The following AFAP1 variants were observed in gnomAD, a reference collection of about 807,000 sequenced individuals.
AFAP1 encodes the protein actin filament associated protein 1, also known as actin filament-associated protein 1.
A neutral mutation model predicts 93.9 loss-of-function variants in AFAP1; 75 were observed. The ratio of observed to expected loss-of-function variants is 0.80; its 90% CI spans 0.66 to 0.97. The LOEUF is 0.97. Ranked by LOEUF, AFAP1 falls within the 50% of genes least tolerant of loss-of-function variation. The pLI is 0.00. For synonymous variants in AFAP1, 517 were observed against 430.7 expected, an observed-to-expected ratio of 1.20 and a Z score of -2.48; for missense variants, 1,201 against 1,050.8, an observed-to-expected ratio of 1.14 and a Z score of -1.98.
Position 7,781,511 on chromosome 4 carries a change from G to A in AFAP1, c.1647C>T (p.Tyr549=). The change falls in exon 13 of 18, where the codon TAC becomes TAT. Residue 549 remains tyrosine (Y), a synonymous_variant. Transcript: ENST00000420658. ...NLPPPHIFAR[Y]SPADRKASRL... The stretch of plus-strand genomic sequence containing the variant: ...TAGAGGCCTTTCTGTCAGCAGGAGA[G>A]TAGCGGGCAAAGATGTGCGGAGGCG... 6.4e-7 allele frequency: 1 copy of A among 1,552,280 alleles called. No homozygotes were observed. Among genetic ancestry groups the A allele is most frequent in the Non-Finnish European group, 8.7e-7 (1 of 1,147,138 alleles).
intron 8 of AFAP1, among the ~76,000 whole-genome samples, chr4:7,812,560 G>A (rs1720140362): frequency 1.3e-5 from 2 of 152,020 alleles, no homozygotes; most frequent in East Asian, 3.8e-4. Flanking sequence ...AGGCAGAGAT[G>A]AGCACAGATC....
intron 6 of AFAP1, among the ~76,000 whole-genome samples, chr4:7,837,793 C>A (rs1015633349): frequency 1.3e-5 from 2 of 152,056 alleles, no homozygotes; most frequent in Non-Finnish European, 2.9e-5. Context: ...CCAAGGTGGG[C>A]GGATCACTTG....
At chr4:7,831,663 T>C (rs903703374) in intron 6 of AFAP1, among the ~76,000 whole-genome samples, 2 of 152,176 alleles carry the variant, frequency 1.3e-5, no homozygotes, top group Non-Finnish European at 2.9e-5. Context: ...GGGGCTGCTC[T>C]TCAGTGTGCA....
rs1715937882 is a variant in AFAP1 at position 7,774,884 on chromosome 4, A to G, written c.1917T>C (p.Tyr639=). The change falls in exon 15 of 18, where the codon TAT becomes TAC. Residue 639 remains tyrosine (Y), a synonymous_variant. Transcript: ENST00000420658. ...CATCTGCTTCTACCCGGTTCTTGCCATACTTGTACTGGGCAGCATCTTGAG... is the reference window on the plus strand; with the variant it reads ...CATCTGCTTCTACCCGGTTCTTGCCGTACTTGTACTGGGCAGCATCTTGAG... ...RTGSNAAQYK[Y]GKNRVEADAK... 8 of 1,613,884 alleles carry G rather than the reference A, an allele frequency of 5.0e-6. No homozygotes were observed. The highest frequency in any genetic ancestry group is 6.8e-6 in the Non-Finnish European group (8 of 1,180,006).
In AFAP1 at chr4:7,938,420, A is replaced by G. The variant is rs560285632; in HGVS notation, c.-3+1236T>C. On this transcript the variant is annotated intron_variant, in intron 1 of 17. Coordinates refer to ENST00000420658, the MANE Select transcript of AFAP1 (RefSeq NM_001134647.2). The stretch of plus-strand genomic sequence containing the variant: ...CCAGTTCGATTTTGCTTCCTGGGAC[A>G]TAACAGGTTTTTCAAAAGTTTGATG... Among the ~76,000 whole-genome samples, 3 of 152,308 alleles carry G rather than the reference A, an allele frequency of 2.0e-5. No individual in the cohort carries two copies. The East Asian group carries it at 5.8e-4, about 29-fold the overall frequency.
intron 1 of AFAP1, among the ~76,000 whole-genome samples, chr4:7,923,826 T>C (rs1577363002): frequency 6.6e-6 from 1 of 152,130 alleles, no homozygotes; most frequent in East Asian, 1.9e-4. Context: ...CATGACCTCA[T>C]CTAACCCTAA....
chr4:7,916,995 A>T (rs992748283), intron 1 of AFAP1, among the ~76,000 whole-genome samples: 3 of 151,956 alleles, frequency 2.0e-5, no homozygotes, highest in African/African-American at 7.3e-5. Context: ...AACTGTTTTA[A>T]AAGTGTTCTC....
intron 9 of AFAP1, among the ~76,000 whole-genome samples, chr4:7,802,533 GA>G (rs1436766474): frequency 6.6e-6 from 1 of 152,158 alleles, no homozygotes; most frequent in Non-Finnish European, 1.5e-5. Context: ...GGGAGTTAAA[GA>G]CGGCAGATAA....
chr4:7,860,751 C>T (rs1715581195), intron 3 of AFAP1, among the ~76,000 whole-genome samples: 1 of 152,168 alleles, frequency 6.6e-6, no homozygotes, highest in Admixed American at 6.5e-5. Flanking sequence ...GCTGAGCGGA[C>T]AAGATGTAAG....
rs768975679 is a variant in AFAP1 at position 7,872,248 on chromosome 4, G to A, written c.-2-168C>T. ...AGCAGGTCCACTAAAAGATTCAGGCGTCTTCTTCTTAACAAATGCACTACT... is the reference window on the plus strand; with the variant it reads ...AGCAGGTCCACTAAAAGATTCAGGCATCTTCTTCTTAACAAATGCACTACT... On this transcript the variant is annotated intron_variant, in intron 1 of 17. Coordinates refer to ENST00000420658, the MANE Select transcript of AFAP1 (RefSeq NM_001134647.2). 6.9e-5 allele frequency: 52 copies of A among 756,604 alleles called. 1 individual carries two copies. The highest frequency in any genetic ancestry group is 2.5e-4 in the South Asian group (11 of 44,726). The allele number at this position is 756,604 out of a possible 1,614,324, so 46.9% of individuals were successfully genotyped here.
At chr4:7,869,117 G>C (rs576024776) in intron 2 of AFAP1, among the ~76,000 whole-genome samples, 5 of 147,324 alleles carry the variant, frequency 3.4e-5, no homozygotes, top group Non-Finnish European at 6.0e-5. Flanking sequence ...AAGGGAAACG[G>C]AAAGAAAAGA....
At chr4:7,910,277 G>A (rs1719654023) in intron 1 of AFAP1, among the ~76,000 whole-genome samples, 1 of 152,038 alleles carries the variant, frequency 6.6e-6, no homozygotes, top group Admixed American at 6.6e-5. Context: ...GAGCCTGCTG[G>A]GAGTCAAAAG....
At position 7,768,963 on chromosome 4, in the gene AFAP1, T is replaced by C; in HGVS notation, c.2299A>G (p.Ser767Gly). 6.2e-7 allele frequency: 1 copy of C among 1,613,648 alleles called. No homozygotes were observed. Among genetic ancestry groups the C allele is most frequent in the Non-Finnish European group, 8.5e-7 (1 of 1,179,702 alleles). ...HRTLENSPIS[S>G]CDTSDTEGPV... The stretch of plus-strand genomic sequence containing the variant: ...CCCTCGGTGTCACTGGTGTCACAGC[T>C]GGAGATGGGCGAGTTTTCCAGGGTC... The change falls in exon 17 of 18, where the codon AGC becomes GGC. Residue 767 changes from serine (S) to glycine (G), a missense_variant. By Grantham distance (56) the Ser-to-Gly change is moderately conservative. Transcript: ENST00000420658.
At chr4:7,845,309 C>G (rs1188777105) in intron 4 of AFAP1, among the ~76,000 whole-genome samples, 1 of 152,048 alleles carries the variant, frequency 6.6e-6, no homozygotes, top group Non-Finnish European at 1.5e-5. Context: ...GTGGTCCCAA[C>G]TACTCAAGAG....
In AFAP1 at chr4:7,843,363, A is replaced by C. The variant is rs1395669427; in HGVS notation, c.335-13T>G. The C allele has an allele frequency of 6.2e-7, 1 of 1,602,874 alleles. No homozygotes were observed. Among genetic ancestry groups the C allele is most frequent in the Non-Finnish European group, 8.5e-7 (1 of 1,173,594 alleles). On this transcript the variant is annotated splice_polypyrimidine_tract_variant and intron_variant, in intron 4 of 17. Transcript: ENST00000420658. ...TCGGAATCATAATCTGTAAAAAATA[A>C]ACATACACTGGTAAAAAGGACTTCT...
At chr4:7,851,892 C>CA (rs1714481104) in intron 4 of AFAP1, among the ~76,000 whole-genome samples, 1 of 152,138 alleles carries the variant, frequency 6.6e-6, no homozygotes, top group African/African-American at 2.4e-5. Flanking sequence ...TCTAGGTCCA[C>CA]AGGGCCTTAA....
Position 7,865,097 on chromosome 4 carries a change from C to T in AFAP1, c.225+3525G>A, listed in dbSNP as rs187383666. Among the ~76,000 whole-genome samples, 3 of 152,116 alleles carry T rather than the reference C, an allele frequency of 2.0e-5. No homozygotes were observed. The East Asian group carries it at 5.8e-4, about 29-fold the overall frequency. ...GGAATTCTAAACTCAGATTGTGTTA[C>T]AAAAACTGGAAATTACAAAGTAATC... On this transcript the variant is annotated intron_variant, in intron 3 of 17. Transcript: ENST00000420658.
At chr4:7,780,347 T>A (rs1307060228) in intron 13 of AFAP1, among the ~76,000 whole-genome samples, 1 of 152,266 alleles carries the variant, frequency 6.6e-6, no homozygotes, top group Non-Finnish European at 1.5e-5. Flanking sequence ...TGGGAGCTAC[T>A]GTTCTAAGTC....
intron 4 of AFAP1, among the ~76,000 whole-genome samples, chr4:7,854,453 G>A (rs550817645): frequency 6.6e-5 from 10 of 152,276 alleles, no homozygotes; most frequent in South Asian, 4.1e-4. Flanking sequence ...GCATGCCAAC[G>A]GGGGAATCTC....
Sources: allele counts gnomAD v4.1 joint callset (sites outside exome capture counted in the v4.1 genomes callset), GRCh38; gene constraint gnomAD v4.1.1; transcripts MANE v1.5; gene names NCBI Gene and HGNC (gene_info 2026-07-23, HGNC 2026-07-21).